Variants in GRIK3 observed in about 807,000 individuals in gnomAD.
GRIK3 encodes glutamate ionotropic receptor kainate type subunit 3.
GRIK3 carries 29 observed loss-of-function variants against 102.5 expected under a neutral mutation model. The observed-to-expected ratio is 0.28, with a 90% CI of 0.21 to 0.39. The LOEUF is 0.39. Ranked by LOEUF, GRIK3 falls within the 10% of genes least tolerant of loss-of-function variation. GRIK3 has a pLI of 1.00. For synonymous variants in GRIK3, 511 were observed against 504.9 expected (o/e 1.01, Z -0.16); for missense variants, 908 against 1,252.4 (o/e 0.73, Z 4.15).
At position 36,936,103 on chromosome 1, in the gene GRIK3, C is replaced by T. The variant is rs1641654747; in HGVS notation, c.116-45007G>A. ...AGATAAATAACGCAAAGAGGAACTT[C>T]CCACCCCTTCTTTGTCAAAGAGCAT... On this transcript the variant is annotated intron_variant, in intron 1 of 15. Coordinates refer to ENST00000373091, the MANE Select transcript of GRIK3 (RefSeq NM_000831.4). Among the ~76,000 whole-genome samples, 4 of 152,188 alleles carry T rather than the reference C, an allele frequency of 2.6e-5. No individual in the cohort carries two copies. In the South Asian group the frequency reaches 6.2e-4, roughly 24 times the overall value.
rs1390941788 is a variant in GRIK3 at position 36,860,011 on chromosome 1, A to G, written c.793T>C (p.Tyr265His). ...CGGTAGGGCTCCAGGTCTAAAGCGT[A>G]GAGATCCTGGATAGAGAGAGGTCTG... Reference protein sequence around the residue: ...YHFIFTTLDLYALDLEPYRYS... With the variant: ...YHFIFTTLDLHALDLEPYRYS... The change falls in exon 6 of 16, where the codon TAC becomes CAC. Residue 265 changes from tyrosine to histidine, a missense_variant. Tyr to His is a moderately conservative substitution (Grantham distance 83). This residue lies in a region of GRIK3 where 585 missense variants were observed against 824.9 expected (regional missense o/e 0.71). Coordinates refer to ENST00000373091, the MANE Select transcript of GRIK3 (RefSeq NM_000831.4). The G allele has an allele frequency of 1.3e-6, 2 of 1,590,792 alleles. No homozygotes were observed. Among genetic ancestry groups the G allele is most frequent in the Non-Finnish European group, 8.6e-7 (1 of 1,168,900 alleles).
At chr1:36,803,384 T>C (rs550356118) in intron 15 of GRIK3, among the ~76,000 whole-genome samples, 46 of 152,278 alleles carry the variant, frequency 3.0e-4, no homozygotes, top group African/African-American at 1.1e-3. Flanking sequence ...ACAGATCCTT[T>C]AGGCTTTTTG....
chr1:36,916,530 T>C (rs904673821), intron 1 of GRIK3, among the ~76,000 whole-genome samples: 18 of 152,110 alleles, frequency 1.2e-4, no homozygotes, highest in African/African-American at 4.3e-4. Flanking sequence ...AAAAATGGTT[T>C]TGTGGGCCGG....
intron 1 of GRIK3, among the ~76,000 whole-genome samples, chr1:36,975,610 A>G (rs1237561217): frequency 6.6e-6 from 1 of 152,238 alleles, no homozygotes; most frequent in African/African-American, 2.4e-5. Context: ...TTTAAAAAGC[A>G]AAACAATGAG....
intron 1 of GRIK3, among the ~76,000 whole-genome samples, chr1:36,939,170 C>A (rs906196966): frequency 1.3e-5 from 2 of 152,238 alleles, no homozygotes; most frequent in African/African-American, 4.8e-5. Flanking sequence ...TTCCACCACA[C>A]AACGCATGGA....
intron 4 of GRIK3, among the ~76,000 whole-genome samples, chr1:36,871,446 G>T (rs1404616319): frequency 1.3e-5 from 2 of 152,210 alleles, no homozygotes; most frequent in Non-Finnish European, 2.9e-5. Flanking sequence ...GCCTCCTCCA[G>T]TCACCAGAAA....
intron 1 of GRIK3, among the ~76,000 whole-genome samples, chr1:36,914,106 C>T (rs544346789): frequency 4.6e-5 from 7 of 152,322 alleles, no homozygotes; most frequent in Admixed American, 3.9e-4. Context: ...GGTGTGGGAG[C>T]CTCAGCTTTC....
At chr1:36,808,873 AATC>A (rs1210544962) in intron 13 of GRIK3, among the ~76,000 whole-genome samples, 1 of 152,174 alleles carries the variant, frequency 6.6e-6, no homozygotes, top group African/African-American at 2.4e-5. Flanking sequence ...TTTTTCAGAT[AATC>A]ATCAATTCCA....
In GRIK3 at chr1:36,988,828, A is replaced by C. The variant is rs1485070531; in HGVS notation, c.115+45166T>G. On this transcript the variant is annotated intron_variant, in intron 1 of 15. Coordinates refer to ENST00000373091, the MANE Select transcript of GRIK3 (RefSeq NM_000831.4). ...GAGAGTCCTTGACAACTCTAACTGCAATTAGCCCTTCCCAGCTGCGGTGAT... is the reference window on the plus strand; with the variant it reads ...GAGAGTCCTTGACAACTCTAACTGCCATTAGCCCTTCCCAGCTGCGGTGAT... Among the ~76,000 whole-genome samples, 5 of 152,336 alleles carry C rather than the reference A, an allele frequency of 3.3e-5. No individual in the cohort carries two copies. In the East Asian group the frequency reaches 9.6e-4, roughly 29 times the overall value.
intron 1 of GRIK3, among the ~76,000 whole-genome samples, chr1:36,999,932 G>C (rs903327902): frequency 2.0e-5 from 3 of 151,838 alleles, no homozygotes; most frequent in East Asian, 1.9e-4. Context: ...GGGAGGCAGA[G>C]GTTGTAGTGA....
intron 10 of GRIK3, among the ~76,000 whole-genome samples, chr1:36,828,859 T>C (rs1306822054): frequency 1.3e-5 from 2 of 152,182 alleles, no homozygotes; most frequent in Non-Finnish European, 2.9e-5. Context: ...TAGCCAATGA[T>C]TATTCCAAGG....
At chr1:36,931,052 A>C (rs1200665723) in intron 1 of GRIK3, among the ~76,000 whole-genome samples, 7 of 152,144 alleles carry the variant, frequency 4.6e-5, no homozygotes, top group Non-Finnish European at 7.3e-5. Flanking sequence ...TCTGGTCACC[A>C]TTGCAGCAGC....
chr1:36,853,899 A>G (rs1339673513), intron 7 of GRIK3, among the ~76,000 whole-genome samples, 177 bp from the exon 8 acceptor site: 1 of 152,110 alleles, frequency 6.6e-6, no homozygotes, highest in African/African-American at 2.4e-5. Context: ...AGCGATTTCC[A>G]TAAATTCTAT....
In GRIK3 at chr1:36,825,777, T is replaced by C; in HGVS notation, c.1580A>G (p.Lys527Arg). 2 of 1,613,654 alleles carry C rather than the reference T, an allele frequency of 1.2e-6. No homozygotes were observed. Among genetic ancestry groups the C allele is most frequent in the Non-Finnish European group, 1.7e-6 (2 of 1,179,762 alleles). ...APLTITHVRE[K>R]AIDFSKPFMT... ...GAAGGGCTTGGAGAAGTCGATGGCCTTCTCTCGAACATGGGTGATGGTCAG... is the reference window on the plus strand; with the variant it reads ...GAAGGGCTTGGAGAAGTCGATGGCCCTCTCTCGAACATGGGTGATGGTCAG... Residue 527 changes from lysine to arginine, a missense_variant, in exon 11 of 16, where the codon AAG becomes AGG. Physicochemically the swap from Lys to Arg is conservative, Grantham distance 26. Transcript: ENST00000373091.
intron 1 of GRIK3, among the ~76,000 whole-genome samples, chr1:36,934,247 C>A (rs1641628683): frequency 6.6e-6 from 1 of 152,184 alleles, no homozygotes; most frequent in South Asian, 2.1e-4. Context: ...CCTGGGCCTC[C>A]CTCCCTCTGG....
At chr1:36,990,553 C>T (rs187430890) in intron 1 of GRIK3, among the ~76,000 whole-genome samples, 2 of 152,338 alleles carry the variant, frequency 1.3e-5, no homozygotes, top group African/African-American at 4.8e-5. Flanking sequence ...CCCAGACTAG[C>T]TCTCATTAAT....
At chr1:37,014,959 CTCTG>C (rs891031513) in intron 1 of GRIK3, among the ~76,000 whole-genome samples, 1 of 146,164 alleles carries the variant, frequency 6.8e-6, no homozygotes, top group African/African-American at 2.6e-5. Flanking sequence ...CTCTCTCTCT[CTCTG>C]TATCTCTGTC....
rs563024571 is a variant in GRIK3, at chr1:36,871,956, C to T, written c.732+232G>A. On this transcript the variant is annotated intron_variant, in intron 4 of 15. Transcript: ENST00000373091. ...TCTCCCTGTGTCAGGCCGGGCTGGGCGGATCATCCATCCTTACGCCAACTC... is the reference window on the plus strand; with the variant it reads ...TCTCCCTGTGTCAGGCCGGGCTGGGTGGATCATCCATCCTTACGCCAACTC... Among the ~76,000 whole-genome samples the T allele has an allele frequency of 1.2e-4, 18 of 152,290 alleles. No individual in the cohort carries two copies. In the South Asian group the frequency reaches 1.2e-3, roughly 11 times the overall value.
rs549358612 is a variant in GRIK3 at position 37,009,499 on chromosome 1, G to A, written c.115+24495C>T. Among the ~76,000 whole-genome samples, 19 of 152,270 alleles carry A rather than the reference G, an allele frequency of 1.2e-4. No individual in the cohort carries two copies. In the South Asian group the frequency reaches 2.3e-3, roughly 18 times the overall value. On this transcript the variant is annotated intron_variant, in intron 1 of 15. Coordinates refer to ENST00000373091, the MANE Select transcript of GRIK3 (RefSeq NM_000831.4). The stretch of plus-strand genomic sequence containing the variant: ...CCGAAGCGAAGTCTGCATATAAATC[G>A]CCTTAGAGGAAAAATACTTCTTCAT...
Sources: gnomAD v4.1 joint callset for allele counts (sites outside exome capture counted in the v4.1 genomes callset) on GRCh38, gnomAD v4.1.1 for gene constraint, gnomAD v4.1.1 regional missense constraint, MANE v1.5 for transcripts, NCBI Gene and HGNC (gene_info 2026-07-23, HGNC 2026-07-21) for gene names.